The following DOK6 variants were observed in gnomAD, a reference collection of about 807,000 sequenced individuals.
DOK6 encodes the protein docking protein 6.
In DOK6, 22 loss-of-function variants were observed where a neutral mutation model predicts 44.0. That is an observed-to-expected ratio of 0.50 (90% confidence interval 0.36 to 0.71). The LOEUF is 0.71. DOK6 is among the 30% of genes least tolerant of loss of function. The probability of loss-of-function intolerance (pLI) is 0.00; values close to 1 mark genes in which losing one functional copy is unlikely to be tolerated. For missense variants in DOK6, 340 were observed against 416.4 expected (o/e 0.82, Z 1.60); for synonymous variants, 166 against 145.5 (o/e 1.14, Z -1.01).
At chr18:69,780,597 CCAAA>C (rs1439050967) in intron 7 of DOK6, among the ~76,000 whole-genome samples, 1 of 152,064 alleles carries the variant, frequency 6.6e-6, no homozygotes, top group Non-Finnish European at 1.5e-5. Context: ...GTCTCAGAAA[CCAAA>C]CAAACAAAAA....
chr18:69,751,664 C>T (rs753956013), intron 6 of DOK6, among the ~76,000 whole-genome samples: 17 of 152,134 alleles, frequency 1.1e-4, no homozygotes, highest in Middle Eastern at 3.4e-3. Flanking sequence ...ACGGAAACTA[C>T]TCAGTGCATG....
At chr18:69,716,692 C>CAAAAA (rs11351701) in intron 5 of DOK6, among the ~76,000 whole-genome samples, 13 of 104,774 alleles carry the variant, frequency 1.2e-4, no homozygotes, top group South Asian at 3.3e-4. Flanking sequence ...GCAGAATTGA[C>CAAAAA]AAAAAAAAAA....
chr18:69,617,744 A>AAGAAAGAAAAAGG (rs1984345537), intron 3 of DOK6, among the ~76,000 whole-genome samples: 1 of 141,774 alleles, frequency 7.1e-6, no homozygotes, highest in Non-Finnish European at 1.6e-5. Context: ...GAAGGAGGGA[A>AAGAAAGAAAAAGG]GGAAGGAAGG....
At chr18:69,672,653 C>T (rs1275087614) in intron 3 of DOK6, among the ~76,000 whole-genome samples, 3 of 143,526 alleles carry the variant, frequency 2.1e-5, no homozygotes, top group South Asian at 2.2e-4. Flanking sequence ...CCACTGCGCC[C>T]GGCAGTGTTT....
chr18:69,802,684 G>A (rs1980937704), intron 7 of DOK6, among the ~76,000 whole-genome samples: 1 of 152,054 alleles, frequency 6.6e-6, no homozygotes, highest in Admixed American at 6.6e-5. Context: ...TGGCCTCCCT[G>A]TCTTGCTCTC....
chr18:69,651,106 A>C (rs79056331), intron 3 of DOK6, among the ~76,000 whole-genome samples: 4,336 of 152,302 alleles, frequency 0.028, 85 homozygotes, highest in Non-Finnish European at 0.045. Flanking sequence ...CAGAGGAAAT[A>C]GAAGTCATCA....
rs144234936 is a variant in DOK6 at position 69,688,658 on chromosome 18, G to A, written c.410-9746G>A. Among the ~76,000 whole-genome samples, 498 of 152,274 alleles carry A rather than the reference G, an allele frequency of 3.3e-3. 2 individuals carry two copies. The highest frequency in any genetic ancestry group is 4.9e-3 in the Non-Finnish European group (333 of 68,030). On this transcript the variant is annotated intron_variant, in intron 4 of 7. Coordinates refer to ENST00000382713, the MANE Select transcript of DOK6 (RefSeq NM_152721.6). ...TTGCCTCAGTCTCCCGAGCAGCTGG[G>A]ATTGCAGGCACCCCCCATCACACCC... is the stretch of plus-strand genomic sequence containing the variant.
At chr18:69,502,552 T>G (rs1175343890) in intron 1 of DOK6, among the ~76,000 whole-genome samples, 3 of 152,158 alleles carry the variant, frequency 2.0e-5, no homozygotes, top group Non-Finnish European at 4.4e-5. Flanking sequence ...GAGAAGCTGT[T>G]CTAGTATCTT....
chr18:69,769,741 C>T (rs954089477), intron 7 of DOK6, among the ~76,000 whole-genome samples: 6 of 152,116 alleles, frequency 3.9e-5, no homozygotes, highest in African/African-American at 1.2e-4. Context: ...TAATTAATTT[C>T]CTAATCTACT....
intron 3 of DOK6, among the ~76,000 whole-genome samples, chr18:69,658,407 T>C (rs867524508): frequency 1.3e-5 from 2 of 152,216 alleles, no homozygotes; most frequent in Middle Eastern, 3.2e-3. Context: ...ATATATGTAA[T>C]GTAAATTTCT....
chr18:69,490,595 C>G (rs1008364401), intron 1 of DOK6, among the ~76,000 whole-genome samples: 1 of 151,912 alleles, frequency 6.6e-6, no homozygotes, highest in Non-Finnish European at 1.5e-5. Context: ...AAACTATTCA[C>G]TTAAAAAAAT....
intron 5 of DOK6, chr18:69,705,085 C>T (rs1344260291): frequency 1.3e-5 from 2 of 152,174 alleles, no homozygotes; most frequent in Non-Finnish European, 2.9e-5. Context: ...GTTCTGCCCT[C>T]GGCCCTCCAG....
chr18:69,402,001 A>G lies in DOK6; in HGVS notation c.66+691A>G, dbSNP rs75696961. Among the ~76,000 whole-genome samples the G allele has an allele frequency of 8.5e-3, 1,291 of 152,318 alleles. 16 individuals carry two copies. The highest frequency in any genetic ancestry group is 0.045 in the East Asian group (231 of 5,164). On this transcript the variant is annotated intron_variant, in intron 1 of 7. Transcript: ENST00000382713. ...GCCTGGCTTGGGAGGGAAACCGTGT[A>G]GAACCCAAGGGTTCAAAACTATTCT...
chr18:69,408,679 T>C (rs1794388574), intron 1 of DOK6, among the ~76,000 whole-genome samples: 1 of 152,122 alleles, frequency 6.6e-6, no homozygotes, highest in Non-Finnish European at 1.5e-5. Flanking sequence ...ATCTGACAAA[T>C]CAAAAGGCAG....
At chr18:69,459,762 C>A (rs754113745) in intron 1 of DOK6, among the ~76,000 whole-genome samples, 2 of 151,958 alleles carry the variant, frequency 1.3e-5, no homozygotes, top group African/African-American at 2.4e-5. Context: ...AAAAGAAATG[C>A]GAAAGCAATA....
At chr18:69,671,901 G>T (rs569586176) in intron 3 of DOK6, among the ~76,000 whole-genome samples, 19 of 152,304 alleles carry the variant, frequency 1.2e-4, no homozygotes, top group African/African-American at 4.3e-4. Flanking sequence ...TAAGTTTCCT[G>T]CACTCCAATT....
Position 69,743,851 on chromosome 18 carries a change from C to T in DOK6, c.738+4748C>T, listed in dbSNP as rs551972910. Among the ~76,000 whole-genome samples the T allele has an allele frequency of 9.9e-5, 15 of 151,338 alleles. No homozygotes were observed. In the South Asian group the frequency reaches 2.1e-3, roughly 21 times the overall value. On this transcript the variant is annotated intron_variant, in intron 6 of 7. Coordinates refer to ENST00000382713, the MANE Select transcript of DOK6 (RefSeq NM_152721.6). Reference sequence around the variant, plus strand: ...AAAAAAAAAAACAGCATTTAGGATGCTCCTGTTCTGTAATCCCCATCTCCT... The same window carrying T: ...AAAAAAAAAAACAGCATTTAGGATGTTCCTGTTCTGTAATCCCCATCTCCT...
intron 6 of DOK6, among the ~76,000 whole-genome samples, chr18:69,743,476 G>C (rs1359472637): frequency 6.6e-6 from 1 of 152,184 alleles, no homozygotes; most frequent in Non-Finnish European, 1.5e-5. Flanking sequence ...AGTACAGGCT[G>C]AAATCATCAT....
chr18:69,511,492 G>GTAAAGTTATCATTCATA (rs1399496867), intron 1 of DOK6, among the ~76,000 whole-genome samples: 1 of 152,102 alleles, frequency 6.6e-6, no homozygotes, highest in East Asian at 1.9e-4. Context: ...CTTTACTTCA[G>GTAAAGTTATCATTCATA]TGTTATCATT....
Sources: gnomAD v4.1 joint callset for allele counts (sites outside exome capture counted in the v4.1 genomes callset) on GRCh38, gnomAD v4.1.1 for gene constraint, MANE v1.5 for transcripts, NCBI Gene and HGNC (gene_info 2026-07-23, HGNC 2026-07-21) for gene names.